Variants in GULP1 observed in about 807,000 individuals in gnomAD.
GULP1 encodes GULP PTB domain containing engulfment adaptor 1.
A neutral mutation model predicts 40.9 loss-of-function variants in GULP1; 19 were observed. The ratio of observed to expected loss-of-function variants is 0.46; its 90% CI spans 0.32 to 0.68. GULP1 has a LOEUF of 0.68. Among genes scored for constraint, GULP1 ranks in the 30% least tolerant of loss-of-function variants. GULP1 has a pLI of 0.03. For synonymous variants in GULP1, 119 were observed against 117.6 expected (o/e 1.01, Z -0.08); for missense variants, 312 against 362.2 (o/e 0.86, Z 1.12).
At chr2:188,345,366 A>G (rs966775081) in intron 1 of GULP1, among the ~76,000 whole-genome samples, 1 of 152,088 alleles carries the variant, frequency 6.6e-6, no homozygotes, top group African/African-American at 2.4e-5. Flanking sequence ...GCTTCACTAC[A>G]CCTTAGGTAC....
intron 4 of GULP1, among the ~76,000 whole-genome samples, chr2:188,515,835 A>G (rs2065117423): frequency 1.3e-5 from 2 of 152,174 alleles, no homozygotes; most frequent in African/African-American, 4.8e-5. Context: ...AAATATTTTA[A>G]GGAATAAATG....
At chr2:188,578,785 CA>C (rs1700681201) in intron 9 of GULP1, among the ~76,000 whole-genome samples, 1 of 151,956 alleles carries the variant, frequency 6.6e-6, no homozygotes. Flanking sequence ...TAGGACAATC[CA>C]AAAAATTTGG....
intron 2 of GULP1, among the ~76,000 whole-genome samples, chr2:188,394,168 A>C (rs1270413311): frequency 1.3e-5 from 2 of 152,094 alleles, no homozygotes; most frequent in Admixed American, 6.5e-5. Context: ...AGTTATTCTT[A>C]GGTTTGATCA....
intron 1 of GULP1, among the ~76,000 whole-genome samples, chr2:188,341,170 T>C (rs868507247): frequency 2.7e-4 from 41 of 152,168 alleles, no homozygotes; most frequent in African/African-American, 8.2e-4. Context: ...CTTTGCCTCC[T>C]GTTCCTATCA....
chr2:188,570,286 C>G (rs1410445038), intron 9 of GULP1, among the ~76,000 whole-genome samples, 166 bp downstream of exon 9: 2 of 152,138 alleles, frequency 1.3e-5, no homozygotes, highest in African/African-American at 2.4e-5. Flanking sequence ...TTAAAATTAC[C>G]TAGTCAGTTC....
At chr2:188,524,606 T>G (rs180800618) in intron 5 of GULP1, among the ~76,000 whole-genome samples, 1 of 96,890 alleles carries the variant, frequency 1.0e-5, no homozygotes, top group Non-Finnish European at 2.6e-5. Context: ...ATATATATAT[T>G]TTTTTTTTGC....
At chr2:188,337,818 T>G (rs1022060470) in intron 1 of GULP1, among the ~76,000 whole-genome samples, 3 of 152,136 alleles carry the variant, frequency 2.0e-5, no homozygotes, top group African/African-American at 7.2e-5. Flanking sequence ...TCTTTTTTAC[T>G]TAAATTAACT....
chr2:188,420,326 AT>A (rs1306807772), intron 2 of GULP1, among the ~76,000 whole-genome samples: 1 of 152,154 alleles, frequency 6.6e-6, no homozygotes, highest in Admixed American at 6.5e-5. Flanking sequence ...ATGTTTTTCC[AT>A]TTATTCATAT....
intron 4 of GULP1, among the ~76,000 whole-genome samples, chr2:188,487,054 T>C (rs1019697013): frequency 1.3e-5 from 2 of 151,958 alleles, no homozygotes; most frequent in African/African-American, 4.8e-5. Context: ...GCTACTATAA[T>C]TAGAATGTTA....
intron 6 of GULP1, among the ~76,000 whole-genome samples, chr2:188,537,315 C>T (rs1689196239): frequency 6.6e-6 from 1 of 151,860 alleles, no homozygotes; most frequent in Non-Finnish European, 1.5e-5. Context: ...TATGTTGGCT[C>T]TGGGTTGGTC....
chr2:188,453,291 A>G (rs2058985278), intron 2 of GULP1, among the ~76,000 whole-genome samples: 2 of 141,370 alleles, frequency 1.4e-5, no homozygotes, highest in Non-Finnish European at 3.0e-5. Flanking sequence ...CAGAGTATTG[A>G]TCTATTTAGA....
At chr2:188,584,061 T>G (rs930282517) in intron 9 of GULP1, among the ~76,000 whole-genome samples, 4 of 152,236 alleles carry the variant, frequency 2.6e-5, no homozygotes, top group Non-Finnish European at 4.4e-5. Context: ...AATTTTCTAT[T>G]GCTTTCTTCT....
intron 1 of GULP1, among the ~76,000 whole-genome samples, chr2:188,295,859 G>A (rs1437957806): frequency 6.6e-6 from 1 of 151,880 alleles, no homozygotes; most frequent in Non-Finnish European, 1.5e-5. Context: ...AATATAAAAT[G>A]TCAAATTTTA....
rs147231562 is a variant in GULP1, at chr2:188,342,948, G to A, written c.-171-40815G>A. Among the ~76,000 whole-genome samples, 713 of 152,216 alleles carry A rather than the reference G, an allele frequency of 4.7e-3. 5 individuals are homozygous for A. Among genetic ancestry groups the A allele is most frequent in the Middle Eastern group, 0.01 (3 of 294 alleles). On this transcript the variant is annotated intron_variant, in intron 1 of 11. Coordinates refer to ENST00000409830, the MANE Select transcript of GULP1 (RefSeq NM_016315.4). ...CATATTTCAGTCCTAAAACAGTTAC[G>A]TAGACTGCTTCATGATATAAAATGC... is the stretch of plus-strand genomic sequence containing the variant.
At chr2:188,400,592 G>A (rs1247407901) in intron 2 of GULP1, among the ~76,000 whole-genome samples, 1 of 152,104 alleles carries the variant, frequency 6.6e-6, no homozygotes, top group African/African-American at 2.4e-5. Context: ...TTAAGCAGGT[G>A]GATGACCTAA....
At chr2:188,548,988 A>G (rs1692719590) in intron 7 of GULP1, among the ~76,000 whole-genome samples, 1 of 151,916 alleles carries the variant, frequency 6.6e-6, no homozygotes, top group Non-Finnish European at 1.5e-5. Flanking sequence ...ATATAAAAAT[A>G]CAACTATAAA....
intron 11 of GULP1, 121 bp from the exon 12 acceptor site, chr2:188,593,819 T>C: frequency 1.6e-6 from 1 of 624,050 alleles, no homozygotes; most frequent in East Asian, 2.8e-5. Flanking sequence ...ATTTGACATA[T>C]AGTTATTTAT....
chr2:188,396,746 T>A (rs1191980875), intron 2 of GULP1, among the ~76,000 whole-genome samples: 1 of 152,218 alleles, frequency 6.6e-6, no homozygotes, highest in Non-Finnish European at 1.5e-5. Context: ...GATTATATTG[T>A]AAATTTCAGT....
At chr2:188,431,966 T>G (rs1233907121) in intron 2 of GULP1, among the ~76,000 whole-genome samples, 1 of 151,662 alleles carries the variant, frequency 6.6e-6, no homozygotes, top group African/African-American at 2.4e-5. Flanking sequence ...AAGAACACAT[T>G]TTCATGTCTG....
Sources: gnomAD v4.1 joint callset for allele counts (sites outside exome capture counted in the v4.1 genomes callset) on GRCh38, gnomAD v4.1.1 for gene constraint, MANE v1.5 for transcripts, NCBI Gene and HGNC (gene_info 2026-07-23, HGNC 2026-07-21) for gene names.